Variants in PRR14L observed in about 807,000 individuals in gnomAD.
PRR14L encodes the protein protein PRR14L.
A neutral mutation model predicts 155.0 loss-of-function variants in PRR14L; 80 were observed. The ratio of observed to expected loss-of-function variants is 0.52; its 90% CI spans 0.43 to 0.62. The LOEUF is 0.62. Among genes scored for constraint, PRR14L ranks in the 20% least tolerant of loss-of-function variants. The pLI, the probability that PRR14L is intolerant of heterozygous loss-of-function variation, is 0.00. For missense variants in PRR14L, 2,469 were observed against 2,548.0 expected, an observed-to-expected ratio of 0.97 and a Z score of 0.67; for synonymous variants, 883 against 916.0, an observed-to-expected ratio of 0.96 and a Z score of 0.65.
In PRR14L at chr22:31,736,311, A is replaced by G. The variant is rs547372681; in HGVS notation, c.474+2076T>C. ...TGAAGCAGGAGAATTGCTTGAACCC[A>G]GGAGGTGGAGGTTGCAGTGAGCTGA... is the stretch of plus-strand genomic sequence containing the variant. On this transcript the variant is annotated intron_variant, in intron 2 of 8. Coordinates refer to ENST00000327423, the MANE Select transcript of PRR14L (RefSeq NM_173566.3). 6.5e-3 allele frequency among the ~76,000 whole-genome samples: 943 copies of G among 144,266 alleles called. 11 individuals carry two copies. The highest frequency in any genetic ancestry group is 0.023 in the African/African-American group (873 of 38,610). 94.6% of individuals were successfully genotyped at this position (144,266 alleles called of 152,430 possible). A position where few individuals can be genotyped will look rare whatever the true frequency, so the allele number is the denominator to read the frequency against.
intron 1 of PRR14L, among the ~76,000 whole-genome samples, chr22:31,741,338 T>C (rs966327825): frequency 2.0e-5 from 3 of 151,240 alleles, no homozygotes; most frequent in Non-Finnish European, 4.4e-5. Flanking sequence ...GGCAGGCTCC[T>C]GTAATCCCAG....
Position 31,713,901 on chromosome 22 carries a change from T to C in PRR14L, c.3938A>G (p.His1313Arg). 1.3e-6 allele frequency: 2 copies of C among 1,551,924 alleles called. No individual in the cohort carries two copies. The highest frequency in any genetic ancestry group is 1.7e-6 in the Non-Finnish European group (2 of 1,147,036). ...CVEKNACKAC[H>R]PHENSSDRHL... ...TCTGTCAGAGGAATTCTCGTGAGGG[T>C]GACAAGCTTTGCAAGCATTCTTTTC... Residue 1313 changes from histidine (H) to arginine (R), a missense_variant, in exon 4 of 9, where the codon CAC becomes CGC. Physicochemically the swap from His to Arg is conservative, Grantham distance 29. Coordinates refer to ENST00000327423, the MANE Select transcript of PRR14L (RefSeq NM_173566.3).
chr22:31,749,808 G>A (rs1406557363), intron 1 of PRR14L, among the ~76,000 whole-genome samples, 185 bp downstream of exon 1: 2 of 152,228 alleles, frequency 1.3e-5, no homozygotes, highest in Non-Finnish European at 2.9e-5. Flanking sequence ...AGCGACGCGG[G>A]GCCTGGTCTC....
Position 31,704,605 on chromosome 22 carries a change from G to A in PRR14L, c.5828+50C>T. 2.7e-6 allele frequency: 4 copies of A among 1,469,368 alleles called. No homozygotes were observed. The highest frequency in any genetic ancestry group is 3.8e-6 in the Non-Finnish European group (4 of 1,051,464). The allele number at this position is 1,469,368 out of a possible 1,614,324, so 91.0% of individuals were successfully genotyped here. ...CACCTATGTATGCACTCTCTCTCTTGCACACACACACGCACACGCGCACAC... is the reference window on the plus strand; with the variant it reads ...CACCTATGTATGCACTCTCTCTCTTACACACACACACGCACACGCGCACAC... On this transcript the variant is annotated intron_variant, in intron 5 of 8. Coordinates refer to ENST00000327423, the MANE Select transcript of PRR14L (RefSeq NM_173566.3).
intron 2 of PRR14L, among the ~76,000 whole-genome samples, chr22:31,726,193 C>T (rs962694187): frequency 2.1e-4 from 32 of 151,572 alleles, no homozygotes; most frequent in Admixed American, 3.9e-4. Context: ...AGACTGTGCG[C>T]GCTGTCAGCT....
intron 5 of PRR14L, among the ~76,000 whole-genome samples, 158 bp from the exon 6 acceptor site, chr22:31,703,879 C>A (rs1000749750): frequency 2.6e-5 from 4 of 151,160 alleles, no homozygotes; most frequent in Non-Finnish European, 4.4e-5. Context: ...CTCAATGCAG[C>A]CTCTGCCTCC....
chr22:31,701,480 G>A (rs900706252), intron 7 of PRR14L, among the ~76,000 whole-genome samples, 176 bp downstream of exon 7: 3 of 152,312 alleles, frequency 2.0e-5, no homozygotes, highest in East Asian at 3.9e-4. Context: ...TGTAGGCAAT[G>A]TATTAAAATG....
At chr22:31,686,983 T>C (rs923772304) in intron 8 of PRR14L, among the ~76,000 whole-genome samples, 1 of 152,210 alleles carries the variant, frequency 6.6e-6, no homozygotes, top group African/African-American at 2.4e-5. Flanking sequence ...TTATCAGTCC[T>C]GAAGTCAGCA....
Position 31,685,450 on chromosome 22 carries a change from C to CAAAAAAAAAAAAAAAACCAAAAAAA in PRR14L, c.*76_*77insTTTTTTTGGTTTTTTTTTTTTTTTT. 1.8e-6 allele frequency: 2 copies of CAAAAAAAAAAAAAAAACCAAAAAAA among 1,105,836 alleles called. No individual in the cohort carries two copies. Among genetic ancestry groups the CAAAAAAAAAAAAAAAACCAAAAAAA allele is most frequent in the Non-Finnish European group, 2.5e-6 (2 of 816,322 alleles). The allele number at this position is 1,105,836 out of a possible 1,614,324, so 68.5% of individuals were successfully genotyped here. The stretch of plus-strand genomic sequence containing the variant: ...TTAGGCAACCTTTTCCAAGGAGGTC[C>CAAAAAAAAAAAAAAAACCAAAAAAA]AAAAAAAAAAAAAAAACCCAAAAAC... On this transcript the variant is annotated 3_prime_UTR_variant, in exon 9 of 9. Coordinates refer to ENST00000327423, the MANE Select transcript of PRR14L (RefSeq NM_173566.3).
chr22:31,720,702 T>A lies in PRR14L; in HGVS notation c.548-3411A>T, dbSNP rs149447563. 2.1e-3 allele frequency among the ~76,000 whole-genome samples: 322 copies of A among 152,338 alleles called. 1 individual carries two copies. The highest frequency in any genetic ancestry group is 0.02 in the South Asian group (97 of 4,832). On this transcript the variant is annotated intron_variant, in intron 3 of 8. Coordinates refer to ENST00000327423, the MANE Select transcript of PRR14L (RefSeq NM_173566.3). ...GTGAGCCAAGATCGTGCCACTGCACTGCAGCCTGGGCGACACAGTGAGAAC... is the reference window on the plus strand; with the variant it reads ...GTGAGCCAAGATCGTGCCACTGCACAGCAGCCTGGGCGACACAGTGAGAAC...
At chr22:31,720,614 A>C (rs531358040) in intron 3 of PRR14L, among the ~76,000 whole-genome samples, 1 of 152,320 alleles carries the variant, frequency 6.6e-6, no homozygotes, top group Non-Finnish European at 1.5e-5. Flanking sequence ...AGGCACCTGT[A>C]ATCCCAGCTA....
rs752551358 is a variant in PRR14L at position 31,715,117 on chromosome 22, GCTC to G, written c.2719_2721del (p.Glu907del). Reference sequence around the variant, plus strand: ...AATACAGTTTCTTTGGATACATCCTGCTCCTTTCCTTCCAGCCCTTCCTCACTG... The same window carrying G: ...AATACAGTTTCTTTGGATACATCCTGCTTTCCTTCCAGCCCTTCCTCACTG... On this transcript the variant is annotated inframe_deletion, in exon 4 of 9. Coordinates refer to ENST00000327423, the MANE Select transcript of PRR14L (RefSeq NM_173566.3). 369 of 1,551,644 alleles carry G rather than the reference GCTC, an allele frequency of 2.4e-4. No homozygotes were observed. Among genetic ancestry groups the G allele is most frequent in the Non-Finnish European group, 3.1e-4 (351 of 1,146,972 alleles).
chr22:31,706,160 T>C (rs1235202233), intron 4 of PRR14L, among the ~76,000 whole-genome samples: 2 of 151,724 alleles, frequency 1.3e-5, no homozygotes, highest in Non-Finnish European at 2.9e-5. Flanking sequence ...GATGAAACCC[T>C]GTCTCTACAA....
rs972966029 is a variant in PRR14L at position 31,681,451 on chromosome 22, A to G, written c.*4076T>C. ...ACAGAAAAGGAACTGCAGGGGCATC[A>G]TGTATACCAATGTTACCAAAAATGT... On this transcript the variant is annotated 3_prime_UTR_variant, in exon 9 of 9. Transcript: ENST00000327423. 6.6e-6 allele frequency: 1 copy of G among 152,250 alleles called. No homozygotes were observed. Among genetic ancestry groups the G allele is most frequent in the Non-Finnish European group, 1.5e-5 (1 of 68,046 alleles). 9.4% of individuals were successfully genotyped at this position (152,250 alleles called of 1,614,324 possible).
At position 31,713,785 on chromosome 22, in the gene PRR14L, C is replaced by G. The variant is rs903517293; in HGVS notation, c.4054G>C (p.Gly1352Arg). Residue 1352 changes from glycine (G) to arginine (R), a missense_variant, in exon 4 of 9, where the codon GGG becomes CGG. Transcript: ENST00000327423. ...GTAACCAACTCCTCAGATTGCTCCC[C>G]AACAGTTAAGTAACCCAGTCGTCCC... ...QRGRLGYLTV[G>R]EQSEELVTRE... The G allele has an allele frequency of 1.9e-6, 3 of 1,552,234 alleles. No homozygotes were observed. In the African/African-American group the frequency reaches 4.1e-5, roughly 21 times the overall value.
chr22:31,737,857 A>G (rs73162139), intron 2 of PRR14L, among the ~76,000 whole-genome samples: 13,556 of 152,034 alleles, frequency 0.089, 680 homozygotes, highest in Admixed American at 0.15. Flanking sequence ...TACTAAAAAC[A>G]CAAAAAAATT....
chr22:31,688,730 T>A (rs2074495123), intron 7 of PRR14L, among the ~76,000 whole-genome samples: 1 of 152,188 alleles, frequency 6.6e-6, no homozygotes, highest in Admixed American at 6.6e-5. Context: ...TTTCTTTTTG[T>A]GAACTGACTG....
chr22:31,742,636 G>A (rs1338569944), intron 1 of PRR14L, among the ~76,000 whole-genome samples: 1 of 152,022 alleles, frequency 6.6e-6, no homozygotes, highest in Non-Finnish European at 1.5e-5. Flanking sequence ...CAAAGTGCTG[G>A]GATTAAGGGT....
At chr22:31,685,950 G>A (rs2147850035) in intron 8 of PRR14L, 147 bp from the exon 9 acceptor site, 6 of 733,380 alleles carry the variant, frequency 8.2e-6, no homozygotes, top group Admixed American at 2.9e-5. Flanking sequence ...TCTTTTTTTT[G>A]TGAGACAGAA....
Sources: gnomAD v4.1 joint callset for allele counts (sites outside exome capture counted in the v4.1 genomes callset) on GRCh38, gnomAD v4.1.1 for gene constraint, MANE v1.5 for transcripts, NCBI Gene and HGNC (gene_info 2026-07-23, HGNC 2026-07-21) for gene names.